Variants in SDK1 observed in about 807,000 individuals in gnomAD.
SDK1 encodes protein sidekick-1.
A neutral mutation model predicts 245.5 loss-of-function variants in SDK1; 157 were observed. The observed-to-expected ratio is 0.64, with a 90% CI of 0.56 to 0.73. SDK1 has a LOEUF of 0.73. Ranked by LOEUF, SDK1 falls within the 30% of genes least tolerant of loss-of-function variation. The pLI is 0.00. For missense variants in SDK1, 3,583 were observed against 3,002.3 expected (o/e 1.19, Z -4.52); for synonymous variants, 1,647 against 1,278.5 (o/e 1.29, Z -6.15).
intron 1 of SDK1, among the ~76,000 whole-genome samples, chr7:3,563,378 C>T (rs1395572604): frequency 1.3e-5 from 2 of 151,578 alleles, no homozygotes; most frequent in Non-Finnish European, 2.9e-5. Flanking sequence ...AGACACACTT[C>T]AAAAGAAGTT....
At chr7:3,737,405 G>A (rs964167224) in intron 4 of SDK1, among the ~76,000 whole-genome samples, 1 of 152,220 alleles carries the variant, frequency 6.6e-6, no homozygotes, top group East Asian at 1.9e-4. Flanking sequence ...AGCTGGTCAG[G>A]GTCTCTGGCT....
intron 44 of SDK1, among the ~76,000 whole-genome samples, chr7:4,256,631 A>G (rs1338912339): frequency 6.6e-6 from 1 of 152,238 alleles, no homozygotes; most frequent in Non-Finnish European, 1.5e-5. Flanking sequence ...AGTACAATAT[A>G]AACCGAAATG....
intron 1 of SDK1, among the ~76,000 whole-genome samples, chr7:3,500,009 G>A (rs975506978): frequency 6.6e-5 from 10 of 152,198 alleles, no homozygotes; most frequent in African/African-American, 2.4e-4. Flanking sequence ...TCCATTAACA[G>A]GTGATTAGGA....
chr7:4,195,060 C>T (rs1018705633), intron 35 of SDK1, among the ~76,000 whole-genome samples: 5 of 152,026 alleles, frequency 3.3e-5, no homozygotes, highest in African/African-American at 1.2e-4. Context: ...AATCAATGAG[C>T]TGCTTTAGAA....
rs183724737 is a variant in SDK1 at position 3,641,638 on chromosome 7, G to A, written c.566-320G>A. 2.4e-3 allele frequency among the ~76,000 whole-genome samples: 371 copies of A among 152,354 alleles called. 3 individuals carry two copies. The highest frequency in any genetic ancestry group is 0.018 in the South Asian group (85 of 4,832). On this transcript the variant is annotated intron_variant, in intron 3 of 44. Coordinates refer to ENST00000404826, the MANE Select transcript of SDK1 (RefSeq NM_152744.4). ...GTTTCTGAGAAAACTGCTTCACGTGGCTCTAGGATGGCTTCAGCATTTCAT... is the reference window on the plus strand; with the variant it reads ...GTTTCTGAGAAAACTGCTTCACGTGACTCTAGGATGGCTTCAGCATTTCAT...
chr7:3,793,209 G>A (rs186100618), intron 4 of SDK1, among the ~76,000 whole-genome samples: 1 of 152,052 alleles, frequency 6.6e-6, no homozygotes, highest in Non-Finnish European at 1.5e-5. Context: ...TTCCGTAAAA[G>A]ACATTACATT....
chr7:3,464,135 A>G (rs1220604551), intron 1 of SDK1, among the ~76,000 whole-genome samples: 1 of 152,226 alleles, frequency 6.6e-6, no homozygotes, highest in African/African-American at 2.4e-5. Flanking sequence ...AATTACACTG[A>G]CGCATCGTTC....
intron 5 of SDK1, among the ~76,000 whole-genome samples, chr7:3,935,714 A>G (rs1780135472): frequency 6.6e-6 from 1 of 152,228 alleles, no homozygotes; most frequent in Admixed American, 6.5e-5. Context: ...GTAATTCAAA[A>G]CAGAAAACAC....
intron 4 of SDK1, among the ~76,000 whole-genome samples, chr7:3,693,144 G>GT (rs990191590): frequency 1.1e-4 from 17 of 151,694 alleles, no homozygotes; most frequent in Admixed American, 9.8e-4. Flanking sequence ...AATAATTTTT[G>GT]TTTTTTTACA....
intron 4 of SDK1, among the ~76,000 whole-genome samples, chr7:3,766,209 A>G (rs116474830): frequency 2.6e-5 from 4 of 152,192 alleles, no homozygotes; most frequent in Admixed American, 2.6e-4. Context: ...TCTCCACAGT[A>G]TCTCATTTGC....
intron 1 of SDK1, among the ~76,000 whole-genome samples, chr7:3,617,247 A>G (rs986425950): frequency 2.6e-5 from 4 of 152,226 alleles, no homozygotes; most frequent in African/African-American, 9.6e-5. Context: ...ACAGATATTT[A>G]TTAGCTATCC....
chr7:3,572,153 C>G (rs1254417760), intron 1 of SDK1, among the ~76,000 whole-genome samples: 1 of 152,062 alleles, frequency 6.6e-6, no homozygotes, highest in Non-Finnish European at 1.5e-5. Context: ...CACTTATGTT[C>G]AAAGTACTGT....
At chr7:3,536,818 T>A (rs1186395052) in intron 1 of SDK1, among the ~76,000 whole-genome samples, 2 of 152,236 alleles carry the variant, frequency 1.3e-5, no homozygotes, top group Non-Finnish European at 2.9e-5. Context: ...TATTTAATAT[T>A]TTTAACAATT....
intron 29 of SDK1, 88 bp downstream of exon 29, chr7:4,146,004 G>A (rs6943463): frequency 0.1 from 122,738 of 1,208,430 alleles, 6,716 homozygotes; most frequent in South Asian, 0.12. Context: ...GGGTACCTGG[G>A]AGGCTTCGGC....
At chr7:3,444,007 G>C (rs1206737964) in intron 1 of SDK1, among the ~76,000 whole-genome samples, 2 of 152,238 alleles carry the variant, frequency 1.3e-5, no homozygotes. Context: ...CTGAGAAGAA[G>C]CAAAAGGATT....
At chr7:4,136,731 G>A (rs898079573) in intron 28 of SDK1, among the ~76,000 whole-genome samples, 1 of 152,210 alleles carries the variant, frequency 6.6e-6, no homozygotes, top group African/African-American at 2.4e-5. Context: ...GGCCTGCCCT[G>A]GCCAGACACG....
At chr7:3,853,041 C>T (rs74607215) in intron 5 of SDK1, among the ~76,000 whole-genome samples, 1,741 of 152,110 alleles carry the variant, frequency 0.011, 68 homozygotes, top group Admixed American at 0.065. Context: ...TCCCTCCATT[C>T]CAGGACCCCT....
intron 8 of SDK1, among the ~76,000 whole-genome samples, chr7:3,960,196 GTGC>G: frequency 6.6e-6 from 1 of 152,214 alleles, no homozygotes; most frequent in Non-Finnish European, 1.5e-5. Flanking sequence ...GTTAAGTACA[GTGC>G]CAAAGGCACT....
rs1275116688 is a variant in SDK1 at position 3,821,521 on chromosome 7, A to T, written c.785A>T (p.Gln262Leu). The T allele has an allele frequency of 4.3e-6, 7 of 1,613,828 alleles. No homozygotes were observed. Among genetic ancestry groups the T allele is most frequent in the Non-Finnish European group, 5.1e-6 (6 of 1,179,914 alleles). ...TTSDAGAYYVQAVNEKNGENK... is the reference protein window; with the variant it reads ...TTSDAGAYYVLAVNEKNGENK... ...AGTGATGCCGGGGCATACTACGTGC[A>T]GGCCGTGAATGAGAAAAATGGAGAA... Residue 262 changes from glutamine (Q) to leucine (L), a missense_variant, in exon 5 of 45, where the codon CAG (glutamine) becomes CTG (leucine). Physicochemically the swap from Gln to Leu is moderately radical, Grantham distance 113 (BLOSUM62 -2). Coordinates refer to ENST00000404826, the MANE Select transcript of SDK1 (RefSeq NM_152744.4).
Sources: allele counts gnomAD v4.1 joint callset (sites outside exome capture counted in the v4.1 genomes callset), GRCh38; gene constraint gnomAD v4.1.1; transcripts MANE v1.5; gene names NCBI Gene and HGNC (gene_info 2026-07-23, HGNC 2026-07-21).